ADARB1: variants seen among roughly 807,000 people sequenced by gnomAD.
The protein encoded by ADARB1 is adenosine deaminase RNA specific B1, also known as double-stranded RNA-specific editase 1.
Under a neutral mutation model 52.4 loss-of-function variants are expected in ADARB1, and 10 were observed. The observed-to-expected ratio is 0.19, with a 90% CI of 0.12 to 0.32. The LOEUF (loss-of-function observed/expected upper bound fraction) is 0.32. Among genes scored for constraint, ADARB1 ranks in the 10% least tolerant of loss-of-function variants. The probability of loss-of-function intolerance (pLI) is 1.00; values close to 1 mark genes in which losing one functional copy is unlikely to be tolerated. For missense variants in ADARB1, 643 were observed against 922.3 expected, an observed-to-expected ratio of 0.70 and a Z score of 3.92; for synonymous variants, 349 against 371.1, an observed-to-expected ratio of 0.94 and a Z score of 0.68.
intron 9 of ADARB1, among the ~76,000 whole-genome samples, chr21:45,216,053 G>A (rs2146429343): frequency 6.6e-6 from 1 of 152,222 alleles, no homozygotes; most frequent in South Asian, 2.1e-4. Context: ...GTAAGCTTCA[G>A]TAATTTGTCT....
chr21:45,106,713 G>A (rs1046390223), intron 1 of ADARB1, among the ~76,000 whole-genome samples: 1 of 152,206 alleles, frequency 6.6e-6, no homozygotes, highest in African/African-American at 2.4e-5. Flanking sequence ...AGCCAGAAAG[G>A]TAAAGAAGGT....
chr21:45,206,931 C>G (rs1431116728), intron 9 of ADARB1, among the ~76,000 whole-genome samples: 1 of 152,202 alleles, frequency 6.6e-6, no homozygotes, highest in Non-Finnish European at 1.5e-5. Flanking sequence ...CCCCTGGTCC[C>G]CGCTGCAGGG....
chr21:45,148,365 C>G (rs1400176890), intron 2 of ADARB1, among the ~76,000 whole-genome samples: 2 of 152,202 alleles, frequency 1.3e-5, no homozygotes, highest in Non-Finnish European at 2.9e-5. Context: ...AGTTCACTGT[C>G]CTGGGACGGC....
chr21:45,137,073 T>C (rs1192408904), intron 2 of ADARB1: 1 of 152,264 alleles, frequency 6.6e-6, no homozygotes, highest in Non-Finnish European at 1.5e-5. Flanking sequence ...TTGGTAATTT[T>C]CTTTTAGCTT....
chr21:45,223,187 G>T lies in ADARB1; in HGVS notation c.*990G>T, dbSNP rs1291312743. The T allele has an allele frequency of 4.1e-6, 4 of 985,350 alleles. No homozygotes were observed. The highest frequency in any genetic ancestry group is 3.5e-5 in the African/African-American group (2 of 57,242). The allele number at this position is 985,350 out of a possible 1,614,324, so 61.0% of individuals were successfully genotyped here. ...GGCCTTCACAGGATGGAAGTAGAAT[G>T]ATTTCAGTAGATACTCATTCTTGGA... On this transcript the variant is annotated 3_prime_UTR_variant, in exon 11 of 11. Transcript: ENST00000348831.
At chr21:45,205,898 G>C (rs1045186081) in intron 9 of ADARB1, among the ~76,000 whole-genome samples, 1 of 152,178 alleles carries the variant, frequency 6.6e-6, no homozygotes, top group African/African-American at 2.4e-5. Flanking sequence ...CTGGCAACTA[G>C]CACGCCTTTA....
At chr21:45,122,134 A>G (rs1291556349) in intron 1 of ADARB1, among the ~76,000 whole-genome samples, 1 of 152,212 alleles carries the variant, frequency 6.6e-6, no homozygotes, top group African/African-American at 2.4e-5. Context: ...TCAGTTGCCC[A>G]TATGTGTTTA....
chr21:45,171,210 G>A (rs934161412), intron 2 of ADARB1, among the ~76,000 whole-genome samples: 1 of 152,178 alleles, frequency 6.6e-6, no homozygotes, highest in Admixed American at 6.5e-5. Context: ...GCAAATGCCA[G>A]TGCCTTTGTC....
rs551739225 is a variant in ADARB1 at position 45,142,408 on chromosome 21, G to A, written c.-48+13835G>A. On this transcript the variant is annotated intron_variant, in intron 2 of 10. Transcript: ENST00000348831. The surrounding 1 kb of genome is among the most constrained non-coding windows in gnomAD (Gnocchi z 4.0). ...GCAAGTAGACTGAAAGTTATACTTA[G>A]TCTGTTCTGTTTGAAACCATTCTCA... Among the ~76,000 whole-genome samples the A allele has an allele frequency of 2.0e-5, 3 of 152,356 alleles. No homozygotes were observed. Among genetic ancestry groups the A allele is most frequent in the Admixed American group, 6.5e-5 (1 of 15,300 alleles).
intron 3 of ADARB1, 101 bp downstream of exon 3, chr21:45,171,785 T>A (rs2091490979): frequency 9.0e-7 from 1 of 1,106,936 alleles, no homozygotes; most frequent in Non-Finnish European, 1.3e-6. Flanking sequence ...GGGGATTGTG[T>A]TTTTTCCCGT....
At chr21:45,189,593 G>C (rs945534293) in intron 8 of ADARB1, among the ~76,000 whole-genome samples, 4 of 152,134 alleles carry the variant, frequency 2.6e-5, no homozygotes, top group African/African-American at 9.7e-5. Flanking sequence ...TCAACTTGAA[G>C]GACTCACTTT....
chr21:45,161,358 G>A (rs1318877602), intron 2 of ADARB1, among the ~76,000 whole-genome samples: 1 of 152,208 alleles, frequency 6.6e-6, no homozygotes, highest in Admixed American at 6.5e-5. Context: ...GCTGAGAAGT[G>A]CCTGCTCCCA....
intron 8 of ADARB1, among the ~76,000 whole-genome samples, chr21:45,196,562 A>G (rs1296735033): frequency 1.3e-5 from 2 of 152,252 alleles, no homozygotes; most frequent in African/African-American, 2.4e-5. Flanking sequence ...ACTGACAAAC[A>G]GGGAGAAAAT....
intron 8 of ADARB1, among the ~76,000 whole-genome samples, chr21:45,192,998 T>A (rs944912206): frequency 6.6e-6 from 1 of 152,222 alleles, no homozygotes; most frequent in Non-Finnish European, 1.5e-5. Context: ...ATGGCTTCAC[T>A]ATTGAATTCC....
chr21:45,224,761 G>A lies in ADARB1; in HGVS notation c.*2564G>A. The stretch of plus-strand genomic sequence containing the variant: ...TGTGGGGAGGAAGGTGACGTGCAGG[G>A]GACCAGAGGCTCTGCACTGCTCCTA... On this transcript the variant is annotated 3_prime_UTR_variant, in exon 11 of 11. Coordinates refer to ENST00000348831, the MANE Select transcript of ADARB1 (RefSeq NM_001112.4). 1 of 989,562 alleles carries A rather than the reference G, an allele frequency of 1.0e-6. No individual in the cohort carries two copies. The highest frequency in any genetic ancestry group is 1.2e-6 in the Non-Finnish European group (1 of 832,842). 61.3% of individuals were successfully genotyped at this position (989,562 alleles called of 1,614,324 possible).
chr21:45,210,890 A>C (rs1267838086), intron 9 of ADARB1, among the ~76,000 whole-genome samples: 2 of 152,212 alleles, frequency 1.3e-5, no homozygotes, highest in South Asian at 4.1e-4. Flanking sequence ...CCCTTCATCT[A>C]CATCCAGTTA....
intron 1 of ADARB1, among the ~76,000 whole-genome samples, chr21:45,122,747 C>T (rs1382851587): frequency 1.3e-5 from 2 of 152,214 alleles, no homozygotes; most frequent in South Asian, 2.1e-4. Flanking sequence ...ATGGAGAAAA[C>T]GGCACAGGTT....
chr21:45,096,906 AT>A lies in ADARB1; in HGVS notation c.-220+22119del, dbSNP rs538299759. On this transcript the variant is annotated intron_variant, in intron 1 of 10. Transcript: ENST00000348831. ...AGGCGCCTGCCACCACGCCCGGCTA[AT>A]TTTTTGTATTTTTAGTAGAGACGGG... Among the ~76,000 whole-genome samples, 120 of 152,142 alleles carry A rather than the reference AT, an allele frequency of 7.9e-4. 1 individual carries two copies. The highest frequency in any genetic ancestry group is 2.8e-3 in the African/African-American group (118 of 41,502).
At chr21:45,140,617 A>C (rs1286562368) in intron 2 of ADARB1, among the ~76,000 whole-genome samples, 1 of 151,878 alleles carries the variant, frequency 6.6e-6, no homozygotes, top group Admixed American at 6.6e-5. Context: ...TCTTTACACC[A>C]TCTGTGTGTG....
Sources: allele counts gnomAD v4.1 joint callset (sites outside exome capture counted in the v4.1 genomes callset), GRCh38; gene constraint gnomAD v4.1.1; non-coding constraint Gnocchi (gnomAD v3.1); transcripts MANE v1.5; gene names NCBI Gene and HGNC (gene_info 2026-07-23, HGNC 2026-07-21).